The following DLGAP2 variants were observed in gnomAD, a reference collection of about 807,000 sequenced individuals.
The protein encoded by DLGAP2 is disks large-associated protein 2.
A neutral mutation model predicts 100.3 loss-of-function variants in DLGAP2; 26 were observed. That is an observed-to-expected ratio of 0.26 (90% CI 0.19 to 0.36). The LOEUF (loss-of-function observed/expected upper bound fraction) is 0.36, where lower values mean the gene tolerates loss of function less well. Among genes scored for constraint, DLGAP2 ranks in the 10% least tolerant of loss-of-function variants. The pLI, the probability that DLGAP2 is intolerant of heterozygous loss-of-function variation, is 1.00. For synonymous variants in DLGAP2, 886 were observed against 630.1 expected (o/e 1.41, Z -6.08); for missense variants, 1,858 against 1,453.2 (o/e 1.28, Z -4.53).
At chr8:1,582,344 A>G (rs1181074153) in intron 6 of DLGAP2, among the ~76,000 whole-genome samples, 2 of 152,114 alleles carry the variant, frequency 1.3e-5, no homozygotes, top group East Asian at 1.9e-4. Context: ...AAAGAAAATT[A>G]TAGACCATTA....
intron 2 of DLGAP2, among the ~76,000 whole-genome samples, chr8:1,000,491 G>A (rs2129017941): frequency 6.6e-6 from 1 of 151,802 alleles, no homozygotes. Context: ...ACAGATCCGG[G>A]TGGGGGTGGT....
In DLGAP2 at chr8:1,363,755, G is replaced by T. The variant is rs545184505; in HGVS notation, c.106+104872G>T. Among the ~76,000 whole-genome samples, 27 of 152,362 alleles carry T rather than the reference G, an allele frequency of 1.8e-4. 1 individual carries two copies. The South Asian group carries it at 2.7e-3, about 15-fold the overall frequency. On this transcript the variant is annotated intron_variant, in intron 3 of 14. Transcript: ENST00000637795. ...GCAGCTCCTCTCTGGTGGCTGAGAT[G>T]CATCCTTGCTGTGTGGGAACCACGG... is the stretch of plus-strand genomic sequence containing the variant.
chr8:1,201,858 G>T (rs1341709666), intron 2 of DLGAP2, among the ~76,000 whole-genome samples: 1 of 152,144 alleles, frequency 6.6e-6, no homozygotes, highest in Non-Finnish European at 1.5e-5. Flanking sequence ...TATGTGTACG[G>T]TATCTATCTG....
intron 3 of DLGAP2, among the ~76,000 whole-genome samples, chr8:1,306,140 A>G (rs1800485497): frequency 6.6e-6 from 1 of 151,676 alleles, no homozygotes; most frequent in South Asian, 2.1e-4. Flanking sequence ...AAAGAAGTAA[A>G]ATTGTTATTT....
intron 2 of DLGAP2, among the ~76,000 whole-genome samples, chr8:1,148,759 C>T (rs955013905): frequency 6.6e-6 from 1 of 152,126 alleles, no homozygotes; most frequent in Non-Finnish European, 1.5e-5. Context: ...AAATTTAATT[C>T]TACTGTAGTC....
chr8:1,007,817 G>T (rs573303820), intron 2 of DLGAP2, among the ~76,000 whole-genome samples: 13 of 152,250 alleles, frequency 8.5e-5, no homozygotes, highest in African/African-American at 1.4e-4. Flanking sequence ...AATGCTTTTG[G>T]TTAATTTGTG....
At chr8:917,023 GGT>G (rs1371415473) in intron 2 of DLGAP2, among the ~76,000 whole-genome samples, 3 of 152,218 alleles carry the variant, frequency 2.0e-5, no homozygotes, top group Non-Finnish European at 4.4e-5. Context: ...AAGAGAAGAA[GGT>G]GTGAGAGGCA....
chr8:792,682 A>G (rs1371327015), intron 1 of DLGAP2, among the ~76,000 whole-genome samples: 1 of 152,244 alleles, frequency 6.6e-6, no homozygotes, highest in Non-Finnish European at 1.5e-5. Flanking sequence ...AAAGTTATTT[A>G]TAAAAATAGG....
intron 1 of DLGAP2, among the ~76,000 whole-genome samples, chr8:786,539 C>G (rs1272091705): frequency 1.3e-5 from 2 of 152,192 alleles, no homozygotes; most frequent in African/African-American, 4.8e-5. Context: ...CACAAAGGCA[C>G]TGCGCGGCCA....
intron 4 of DLGAP2, among the ~76,000 whole-genome samples, chr8:1,524,082 G>A (rs935240189): frequency 5.3e-5 from 8 of 152,162 alleles, no homozygotes; most frequent in Non-Finnish European, 8.8e-5. Flanking sequence ...AGAGTTCAGC[G>A]GTGCCTCCAC....
At chr8:946,439 AG>A (rs1799324555) in intron 2 of DLGAP2, among the ~76,000 whole-genome samples, 1 of 151,526 alleles carries the variant, frequency 6.6e-6, no homozygotes. Context: ...AATTTTTTGT[AG>A]TTTTTGTAGA....
intron 2 of DLGAP2, among the ~76,000 whole-genome samples, chr8:1,130,076 TAA>T (rs1277855570): frequency 2.5e-3 from 4 of 1,626 alleles, no homozygotes; most frequent in Non-Finnish European, 7.0e-3. Flanking sequence ...TCACGTGGGT[TAA>T]GGGATCGTGT....
rs1347905368 is a variant in DLGAP2, at chr8:1,006,463, T to C, written c.73+98497T>C. On this transcript the variant is annotated intron_variant, in intron 2 of 14. Transcript: ENST00000637795. ...GCGCCCTGCATCTCAAGTCTTGGTA[T>C]GTGGTCCTTTATCACATCGGGGACA... 2.4e-5 allele frequency among the ~76,000 whole-genome samples: 3 copies of C among 126,902 alleles called. 1 individual carries two copies. Among genetic ancestry groups the C allele is most frequent in the Non-Finnish European group, 3.3e-5 (2 of 60,302 alleles). 83.3% of individuals were successfully genotyped at this position (126,902 alleles called of 152,430 possible).
chr8:922,657 T>C (rs1798739675), intron 2 of DLGAP2, among the ~76,000 whole-genome samples: 1 of 152,214 alleles, frequency 6.6e-6, no homozygotes, highest in African/African-American at 2.4e-5. Context: ...CTAATAGAAA[T>C]AGTTTTACTA....
At chr8:1,421,414 A>G (rs1189168160) in intron 3 of DLGAP2, among the ~76,000 whole-genome samples, 2 of 152,222 alleles carry the variant, frequency 1.3e-5, no homozygotes, top group Admixed American at 6.5e-5. Flanking sequence ...TCTCAGAATA[A>G]TAACACCCAC....
At chr8:1,201,389 G>A (rs2116758839) in intron 2 of DLGAP2, among the ~76,000 whole-genome samples, 1 of 152,286 alleles carries the variant, frequency 6.6e-6, no homozygotes, top group African/African-American at 2.4e-5. Flanking sequence ...CCTCGGGAAG[G>A]GACGGCCTTC....
chr8:1,146,854 C>G (rs1783183749), intron 2 of DLGAP2, among the ~76,000 whole-genome samples: 1 of 152,222 alleles, frequency 6.6e-6, no homozygotes, highest in African/African-American at 2.4e-5. Flanking sequence ...CTATTAGAAC[C>G]ATTGATCTCT....
intron 1 of DLGAP2, among the ~76,000 whole-genome samples, chr8:776,526 G>A (rs540417605): frequency 4.5e-4 from 69 of 152,246 alleles, no homozygotes; most frequent in East Asian, 3.1e-3. Context: ...CTTTGAATGC[G>A]TCCCAGAGAT....
intron 2 of DLGAP2, among the ~76,000 whole-genome samples, chr8:1,068,935 A>C (rs1408001998): frequency 2.0e-5 from 3 of 152,148 alleles, no homozygotes; most frequent in African/African-American, 7.2e-5. Flanking sequence ...GGCTGGGCTC[A>C]GGGCAGGTTC....
Sources: gnomAD v4.1 joint callset for allele counts (sites outside exome capture counted in the v4.1 genomes callset) on GRCh38, gnomAD v4.1.1 for gene constraint, MANE v1.5 for transcripts, NCBI Gene and HGNC (gene_info 2026-07-23, HGNC 2026-07-21) for gene names.